The following SYTL5 variants were observed in gnomAD, a reference collection of about 807,000 sequenced individuals.
SYTL5 encodes synaptotagmin-like protein 5.
A neutral mutation model predicts 55.9 loss-of-function variants in SYTL5; 34 were observed. The ratio of observed to expected loss-of-function variants is 0.61; its 90% CI spans 0.46 to 0.81. SYTL5 has a LOEUF of 0.81. SYTL5 is among the 30% of genes least tolerant of loss of function. The probability of loss-of-function intolerance (pLI) is 0.00; values close to 1 mark genes in which losing one functional copy is unlikely to be tolerated. For missense variants in SYTL5, 637 were observed against 546.7 expected (o/e 1.17, Z -1.65); for synonymous variants, 221 against 188.7 (o/e 1.17, Z -1.40).
At chrX:37,985,382 T>C in the SYTL5 span, among the ~76,000 whole-genome samples, 1 of 111,330 alleles carries the variant, frequency 9.0e-6, no homozygotes, top group African/African-American at 3.2e-5. Flanking sequence ...TGTCTTTCTA[T>C]ACACTTCCAA....
intron 1 of SYTL5, among the ~76,000 whole-genome samples, chrX:38,013,263 CTT>C (rs1934245222): frequency 8.9e-6 from 1 of 112,356 alleles, no homozygotes; most frequent in Non-Finnish European, 1.9e-5. Flanking sequence ...CCATCTGACT[CTT>C]ATTGTTCTTG....
At chrX:38,043,673 A>G (rs749919869) in intron 2 of SYTL5, among the ~76,000 whole-genome samples, 18 of 70,884 alleles carry the variant, frequency 2.5e-4, no homozygotes, top group Admixed American at 8.9e-4. Context: ...ATATATATAT[A>G]TATATATATA....
chrX:38,046,078 G>A (rs1935453545), intron 2 of SYTL5, among the ~76,000 whole-genome samples: 1 of 111,671 alleles, frequency 9.0e-6, no homozygotes, highest in African/African-American at 3.3e-5. Flanking sequence ...GAGGATACTG[G>A]TGTGTGGGAA....
At chrX:38,076,472 T>C in intron 5 of SYTL5, 95 bp from the exon 6 acceptor site, 2 of 786,439 alleles carry the variant, frequency 2.5e-6, no homozygotes, top group Non-Finnish European at 3.6e-6. Context: ...TGAAGAATCC[T>C]TTATTATTAA....
chrX:38,114,813 T>C (rs1266372008), intron 13 of SYTL5, among the ~76,000 whole-genome samples: 1 of 111,414 alleles, frequency 9.0e-6, no homozygotes, highest in Non-Finnish European at 1.9e-5. Flanking sequence ...TTTTATTTTG[T>C]TAGGCCAGCA....
At chrX:37,998,331 G>A in the SYTL5 span, among the ~76,000 whole-genome samples, 5 of 111,947 alleles carry the variant, frequency 4.5e-5, no homozygotes, top group African/African-American at 9.7e-5. Context: ...TTGGCCCTTC[G>A]GGGAGCCCAG....
intron 6 of SYTL5, among the ~76,000 whole-genome samples, chrX:38,083,544 T>C (rs1936590102): frequency 9.0e-6 from 1 of 111,628 alleles, no homozygotes; most frequent in Admixed American, 9.5e-5. Context: ...AAGGAAGATA[T>C]GTGCGAGTAA....
chrX:38,068,251 T>C (rs1167269025), intron 3 of SYTL5, among the ~76,000 whole-genome samples: 2 of 111,942 alleles, frequency 1.8e-5, no homozygotes, highest in African/African-American at 6.5e-5. Context: ...GTCAGATGGT[T>C]ATTATTAAAA....
At chrX:37,896,022 G>T in the SYTL5 span, among the ~76,000 whole-genome samples, 1 of 112,446 alleles carries the variant, frequency 8.9e-6, no homozygotes, top group Non-Finnish European at 1.9e-5. Context: ...AAATGTTCAT[G>T]TGGGATGTTG....
the SYTL5 span, among the ~76,000 whole-genome samples, chrX:37,934,526 A>T: frequency 9.1e-6 from 1 of 109,720 alleles, no homozygotes; most frequent in Admixed American, 9.8e-5. Flanking sequence ...AAAAAGAAAA[A>T]CATAGCCTAA....
chrX:38,070,287 T>A (rs1370174737), intron 3 of SYTL5, among the ~76,000 whole-genome samples: 2 of 111,502 alleles, frequency 1.8e-5, no homozygotes, highest in Admixed American at 9.6e-5. Context: ...GTCCAATAAG[T>A]TGCTGAATCA....
At chrX:38,116,219 G>A (rs1313079677) in intron 13 of SYTL5, among the ~76,000 whole-genome samples, 1 of 111,485 alleles carries the variant, frequency 9.0e-6, no homozygotes, top group African/African-American at 3.3e-5. Flanking sequence ...GTGTATTTTT[G>A]GCACTTTTGT....
At position 38,128,201 on chromosome X, in the gene SYTL5, G is replaced by GAT. The variant is rs1937709500; in HGVS notation, c.*1472_*1473insTA. The GAT allele has an allele frequency of 8.9e-6, 1 of 112,496 alleles. No individual in the cohort carries two copies. The highest frequency in any genetic ancestry group is 3.2e-5 in the African/African-American group (1 of 30,984). The allele number at this position is 112,496 out of a possible 1,213,427, so 9.3% of individuals were successfully genotyped here. On this transcript the variant is annotated 3_prime_UTR_variant, in exon 17 of 17. Coordinates refer to ENST00000297875, the MANE Select transcript of SYTL5 (RefSeq NM_138780.3). ...GCAGATTCCAAATGTGAATTTCAGA[G>GAT]AGCTGAGATAACTTGCCCAAGGCCA...
At chrX:38,114,448 G>A (rs966163355) in intron 13 of SYTL5, among the ~76,000 whole-genome samples, 2 of 111,713 alleles carry the variant, frequency 1.8e-5, no homozygotes, top group African/African-American at 6.5e-5. Flanking sequence ...AAACCCTCTT[G>A]CCCCAGAAAT....
At chrX:38,059,708 T>C (rs1044266710) in intron 3 of SYTL5, among the ~76,000 whole-genome samples, 3 of 111,065 alleles carry the variant, frequency 2.7e-5, no homozygotes, top group Admixed American at 1.9e-4. Context: ...TGTTTGTTTG[T>C]TTGTTTGCTT....
the SYTL5 span, among the ~76,000 whole-genome samples, chrX:37,927,135 C>T: frequency 8.9e-6 from 1 of 111,957 alleles, no homozygotes; most frequent in Non-Finnish European, 1.9e-5. Context: ...ATCCTTCTGA[C>T]GGATATGTCT....
At chrX:37,958,829 G>A in the SYTL5 span, among the ~76,000 whole-genome samples, 2 of 112,489 alleles carry the variant, frequency 1.8e-5, no homozygotes, top group African/African-American at 6.5e-5. Flanking sequence ...GAGAAAATAA[G>A]CAAGAAAAAA....
the SYTL5 span, among the ~76,000 whole-genome samples, chrX:37,963,613 A>T: frequency 4.5e-5 from 5 of 111,775 alleles, no homozygotes; most frequent in Admixed American, 4.7e-4. Flanking sequence ...AAACTTTACT[A>T]ATTTTTAAAT....
chrX:38,017,388 T>C (rs1355524374), intron 1 of SYTL5, among the ~76,000 whole-genome samples: 1 of 111,953 alleles, frequency 8.9e-6, no homozygotes, highest in Non-Finnish European at 1.9e-5. Context: ...GTGATACTTC[T>C]TGCAGCTGGA....
Sources: gnomAD v4.1 joint callset for allele counts (sites outside exome capture counted in the v4.1 genomes callset) on GRCh38, gnomAD v4.1.1 for gene constraint, MANE v1.5 for transcripts, NCBI Gene and HGNC (gene_info 2026-07-23, HGNC 2026-07-21) for gene names.